TCERG1L: variants seen among roughly 807,000 people sequenced by gnomAD.
The protein encoded by TCERG1L is transcription elongation regulator 1 like.
Under a neutral mutation model 56.3 loss-of-function variants are expected in TCERG1L, and 37 were observed. The observed-to-expected ratio is 0.66, with a 90% CI of 0.51 to 0.87. The LOEUF (loss-of-function observed/expected upper bound fraction) is 0.87. Ranked by LOEUF, TCERG1L falls within the 40% of genes least tolerant of loss-of-function variation. TCERG1L has a pLI of 0.00. For missense variants in TCERG1L, 799 were observed against 774.2 expected (o/e 1.03, Z -0.38); for synonymous variants, 324 against 326.3 (o/e 0.99, Z 0.08).
In TCERG1L at chr10:131,220,556, G is replaced by C. The variant is rs146392133; in HGVS notation, c.856+39703C>G. 8.7e-3 allele frequency among the ~76,000 whole-genome samples: 1,327 copies of C among 152,214 alleles called. 8 individuals carry two copies. Among genetic ancestry groups the C allele is most frequent in the Middle Eastern group, 0.02 (6 of 294 alleles). The stretch of plus-strand genomic sequence containing the variant: ...GTGTCTTGTGGGGCCAGGGAAATGG[G>C]TTCAGAGAGGGAGGGAGGAAGGGGC... On this transcript the variant is annotated intron_variant, in intron 4 of 11. Transcript: ENST00000368642.
intron 4 of TCERG1L, among the ~76,000 whole-genome samples, chr10:131,206,338 TG>T (rs1241867599): frequency 6.6e-6 from 1 of 152,076 alleles, no homozygotes; most frequent in Non-Finnish European, 1.5e-5. Flanking sequence ...AAGGGGGTCC[TG>T]GAGTGAAGAC....
intron 4 of TCERG1L, among the ~76,000 whole-genome samples, chr10:131,251,542 G>A (rs1846111651): frequency 6.6e-6 from 1 of 152,122 alleles, no homozygotes; most frequent in African/African-American, 2.4e-5. Context: ...AGCTTCTACT[G>A]TGTTCCGGAC....
chr10:131,195,518 C>T (rs1407174774), intron 4 of TCERG1L, among the ~76,000 whole-genome samples: 1 of 152,228 alleles, frequency 6.6e-6, no homozygotes, highest in Non-Finnish European at 1.5e-5. Flanking sequence ...GTTCTCCTTG[C>T]TGCTCTTCCC....
rs41282898 is a variant in TCERG1L, at chr10:131,146,695, C to G, written c.1035-35G>C. The G allele has an allele frequency of 0.18, 277,546 of 1,583,450 alleles. 26,615 individuals are homozygous for G. The highest frequency in any genetic ancestry group is 0.2 in the Non-Finnish European group (235,276 of 1,162,360). ...TGGAAAAACTCATCTCAGTCGCTCTCGGAGACACTTAATTAGAAAGTCGTT... is the reference window on the plus strand; with the variant it reads ...TGGAAAAACTCATCTCAGTCGCTCTGGGAGACACTTAATTAGAAAGTCGTT... On this transcript the variant is annotated intron_variant, in intron 6 of 11. Transcript: ENST00000368642.
intron 4 of TCERG1L, among the ~76,000 whole-genome samples, chr10:131,213,790 C>T (rs1845641105): frequency 6.6e-6 from 1 of 152,226 alleles, no homozygotes; most frequent in Non-Finnish European, 1.5e-5. Flanking sequence ...ATCCCCTCAA[C>T]CTGAGCTTAG....
rs562744651 is a variant in TCERG1L, at chr10:131,260,159, G to A, written c.856+100C>T. The A allele has an allele frequency of 3.2e-6, 4 of 1,240,508 alleles. No homozygotes were observed. In the South Asian group the frequency reaches 1.6e-4, roughly 49 times the overall value. The allele number at this position is 1,240,508 out of a possible 1,614,324, so 76.8% of individuals were successfully genotyped here. On this transcript the variant is annotated intron_variant, in intron 4 of 11. Coordinates refer to ENST00000368642, the MANE Select transcript of TCERG1L (RefSeq NM_174937.4). This position sits in a 1 kb window ranked among gnomAD's most constrained non-coding sequence, Gnocchi z 5.8. ...TCCCTCAACCGGAGCCGGGCTTCAG[G>A]TCCCACAGCGCCTGGGCCCAGGCCA...
chr10:131,154,684 G>A (rs563199769), intron 6 of TCERG1L, among the ~76,000 whole-genome samples: 1 of 152,310 alleles, frequency 6.6e-6, no homozygotes, highest in East Asian at 1.9e-4. Flanking sequence ...GACTCCAGGA[G>A]GAGCGCAGGG....
At position 131,234,331 on chromosome 10, in the gene TCERG1L, A is replaced by G. The variant is rs146868276; in HGVS notation, c.856+25928T>C. Among the ~76,000 whole-genome samples the G allele has an allele frequency of 2.9e-4, 44 of 152,368 alleles. 1 individual carries two copies. In the East Asian group the frequency reaches 6.9e-3, roughly 24 times the overall value. ...ATAGTAAGATAGGCTAATTTTACCA[A>G]TGTAATTTCATGAATCATTGCTATT... is the stretch of plus-strand genomic sequence containing the variant. On this transcript the variant is annotated intron_variant, in intron 4 of 11. Transcript: ENST00000368642.
intron 9 of TCERG1L, among the ~76,000 whole-genome samples, chr10:131,106,274 C>T (rs1356381695): frequency 6.6e-6 from 1 of 152,306 alleles, no homozygotes; most frequent in African/African-American, 2.4e-5. Flanking sequence ...TAAGGTAGTG[C>T]CGGTCTAGGA....
chr10:131,104,276 C>G lies in TCERG1L; in HGVS notation c.1474G>C (p.Glu492Gln). The G allele has an allele frequency of 6.5e-7, 1 of 1,549,364 alleles. No homozygotes were observed. The highest frequency in any genetic ancestry group is 8.7e-7 in the Non-Finnish European group (1 of 1,145,068). The change falls in exon 10 of 12, where the codon GAA (glutamate) becomes CAA (glutamine). Residue 492 changes from glutamate to glutamine, a missense_variant. Coordinates refer to ENST00000368642, the MANE Select transcript of TCERG1L (RefSeq NM_174937.4). ...TCCCACCCAGTTACCTGCTTTCGTT[C>G]CTCAGAGTTGAGCAGGAGATAGCGT... ...DPRYLLLNSE[E>Q]RKQIFEQFVK...
At chr10:131,162,796 G>A in intron 6 of TCERG1L, 1 of 217,016 alleles carries the variant, frequency 4.6e-6, no homozygotes, top group East Asian at 9.8e-5. Context: ...TTCTTGGAGT[G>A]GAGGGAAAAC....
chr10:131,155,838 C>T (rs56385408), intron 6 of TCERG1L, among the ~76,000 whole-genome samples: 5 of 152,176 alleles, frequency 3.3e-5, no homozygotes, highest in Admixed American at 6.5e-5. Context: ...CTCTCAAATG[C>T]GAGCTAAATG....
intron 4 of TCERG1L, among the ~76,000 whole-genome samples, chr10:131,202,872 T>C (rs1845457426): frequency 6.6e-6 from 1 of 152,202 alleles, no homozygotes; most frequent in South Asian, 2.1e-4. Flanking sequence ...ACAGTTTATT[T>C]AGAAAAAAGA....
At chr10:131,152,478 C>T (rs948724137) in intron 6 of TCERG1L, among the ~76,000 whole-genome samples, 7 of 152,306 alleles carry the variant, frequency 4.6e-5, no homozygotes, top group Admixed American at 4.6e-4. Flanking sequence ...TGGTCAAAGC[C>T]ATTCAACAAG....
At chr10:131,214,560 T>C (rs1173785415) in intron 4 of TCERG1L, among the ~76,000 whole-genome samples, 4 of 152,206 alleles carry the variant, frequency 2.6e-5, no homozygotes, top group African/African-American at 7.2e-5. Context: ...AAGAGGAAAA[T>C]AGCACCTTCT....
intron 4 of TCERG1L, among the ~76,000 whole-genome samples, chr10:131,207,451 G>T (rs928389573): frequency 6.6e-6 from 1 of 152,238 alleles, no homozygotes; most frequent in Non-Finnish European, 1.5e-5. Flanking sequence ...TGACACAGCG[G>T]CTCCAACATG....
At chr10:131,279,944 C>T (rs1336805804) in intron 3 of TCERG1L, among the ~76,000 whole-genome samples, 1 of 152,146 alleles carries the variant, frequency 6.6e-6, no homozygotes, top group Non-Finnish European at 1.5e-5. Flanking sequence ...AGAGTTTCTC[C>T]ATGTGGAATG....
rs765093186 is a variant in TCERG1L, at chr10:131,146,495, G to A, written c.1189+11C>T. The A allele has an allele frequency of 2.5e-6, 4 of 1,601,070 alleles. No individual in the cohort carries two copies. In the African/African-American group the frequency reaches 5.4e-5, roughly 22 times the overall value. On this transcript the variant is annotated intron_variant, in intron 7 of 11. Coordinates refer to ENST00000368642, the MANE Select transcript of TCERG1L (RefSeq NM_174937.4). The stretch of plus-strand genomic sequence containing the variant: ...TTCAAAGGAGGTGTAAATAACCCAG[G>A]GCTTAGTTACTTGCTGGTGCCTCCA...
intron 11 of TCERG1L, among the ~76,000 whole-genome samples, chr10:131,095,052 G>A (rs113363256): frequency 6.6e-6 from 1 of 152,216 alleles, no homozygotes; most frequent in Non-Finnish European, 1.5e-5. Flanking sequence ...GTGAACTCAC[G>A]AAGGTCAGCT....
Sources: gnomAD v4.1 joint callset for allele counts (sites outside exome capture counted in the v4.1 genomes callset) on GRCh38, gnomAD v4.1.1 for gene constraint, Gnocchi (gnomAD v3.1) non-coding constraint, MANE v1.5 for transcripts, NCBI Gene and HGNC (gene_info 2026-07-23, HGNC 2026-07-21) for gene names.